The following SUGCT variants were observed in gnomAD, a reference collection of about 807,000 sequenced individuals.
SUGCT encodes succinyl-CoA:glutarate CoA-transferase.
Under a neutral mutation model 55.0 loss-of-function variants are expected in SUGCT, and 41 were observed. The ratio of observed to expected loss-of-function variants is 0.74; its 90% CI spans 0.58 to 0.97. SUGCT has a LOEUF of 0.97. SUGCT is among the 50% of genes least tolerant of loss of function. The pLI, the probability that SUGCT is intolerant of heterozygous loss-of-function variation, is 0.00. For synonymous variants in SUGCT, 187 were observed against 200.4 expected, an observed-to-expected ratio of 0.93 and a Z score of 0.56; for missense variants, 568 against 547.8, an observed-to-expected ratio of 1.04 and a Z score of -0.37.
chr7:40,482,384 T>C (rs1791100800), intron 11 of SUGCT, among the ~76,000 whole-genome samples: 2 of 94,102 alleles, frequency 2.1e-5, no homozygotes, highest in African/African-American at 1.2e-4. Context: ...GAATAAAAAG[T>C]AAACATCCAC....
chr7:40,282,348 G>T (rs1273623231), intron 8 of SUGCT, among the ~76,000 whole-genome samples: 2 of 151,766 alleles, frequency 1.3e-5, no homozygotes, highest in Non-Finnish European at 2.9e-5. Flanking sequence ...TGCACCTGTA[G>T]TCTCAGCTAC....
In SUGCT at chr7:40,744,643, A is replaced by G. The variant is rs77340877; in HGVS notation, c.1090-4791A>G. 3.9e-5 allele frequency among the ~76,000 whole-genome samples: 6 copies of G among 152,358 alleles called. 1 individual carries two copies. The East Asian group carries it at 1.2e-3, about 29-fold the overall frequency. On this transcript the variant is annotated intron_variant, in intron 12 of 13. Transcript: ENST00000335693. ...AGCCCCTCTAGGTTTCTAACACCTT[A>G]TCAGTAGAGGTGAAGATAATAATTC...
chr7:40,843,503 TG>T lies in SUGCT; in HGVS notation c.1154-16812del, dbSNP rs1426828408. The stretch of plus-strand genomic sequence containing the variant: ...CCAGCCTAGCAACAGAGAGAGACTC[TG>T]TCTCAAAAAAAAAAAGTTGAAGTGA... On this transcript the variant is annotated intron_variant, in intron 13 of 13. Coordinates refer to ENST00000335693, the MANE Select transcript of SUGCT (RefSeq NM_001193313.2). 1.7e-3 allele frequency among the ~76,000 whole-genome samples: 115 copies of T among 66,706 alleles called. 1 individual carries two copies. The East Asian group carries it at 0.043, about 25-fold the overall frequency. The allele number at this position is 66,706 out of a possible 152,430, so 43.8% of individuals were successfully genotyped here. A position where few individuals can be genotyped will look rare whatever the true frequency, so the allele number is the denominator to read the frequency against.
the SUGCT span, among the ~76,000 whole-genome samples, chr7:40,908,036 C>T: frequency 6.6e-6 from 1 of 151,730 alleles, no homozygotes; most frequent in Non-Finnish European, 1.5e-5. Flanking sequence ...CACATCCAAC[C>T]TCAACCTAAC....
At chr7:40,950,597 C>T in the SUGCT span, among the ~76,000 whole-genome samples, 16 of 152,196 alleles carry the variant, frequency 1.1e-4, no homozygotes, top group African/African-American at 3.9e-4. Context: ...CTGGGTTTGT[C>T]ATAAATAGCT....
At position 40,135,517 on chromosome 7, in the gene SUGCT, A is replaced by G. The variant is rs149459083; in HGVS notation, c.100+397A>G. Among the ~76,000 whole-genome samples the G allele has an allele frequency of 2.4e-3, 366 of 152,402 alleles. 1 individual carries two copies. Among genetic ancestry groups the G allele is most frequent in the African/African-American group, 8.4e-3 (348 of 41,604 alleles). On this transcript the variant is annotated intron_variant, in intron 1 of 13. Transcript: ENST00000335693. ...AACTTGACACTTCATGTACAATAAA[A>G]GATGCCCTTGTACAGTTACCTGTTG...
intron 9 of SUGCT, among the ~76,000 whole-genome samples, chr7:40,349,848 T>A (rs566999127): frequency 4.6e-5 from 7 of 152,318 alleles, no homozygotes; most frequent in Admixed American, 3.3e-4. Flanking sequence ...TTGGTTTTTA[T>A]TAATATTTTT....
At chr7:40,148,949 C>T (rs1156410412) in intron 1 of SUGCT, among the ~76,000 whole-genome samples, 1 of 152,104 alleles carries the variant, frequency 6.6e-6, no homozygotes, top group South Asian at 2.1e-4. Context: ...TCTTGGTCTT[C>T]CAGGGAGGGG....
rs185470372 is a variant in SUGCT, at chr7:40,626,547, C to T, written c.1090-122887C>T. On this transcript the variant is annotated intron_variant, in intron 12 of 13. Coordinates refer to ENST00000335693, the MANE Select transcript of SUGCT (RefSeq NM_001193313.2). ...GATTATAGGCATGAGCCACTGAGCC[C>T]GGCCCAGAGAGACTTTCATAGAATT... 3.4e-3 allele frequency among the ~76,000 whole-genome samples: 524 copies of T among 152,196 alleles called. 3 individuals carry two copies. Among genetic ancestry groups the T allele is most frequent in the African/African-American group, 8.3e-3 (345 of 41,516 alleles).
chr7:40,428,846 A>G (rs1399965690), intron 9 of SUGCT, among the ~76,000 whole-genome samples: 1 of 152,138 alleles, frequency 6.6e-6, no homozygotes, highest in Non-Finnish European at 1.5e-5. Flanking sequence ...ACACTGTTTC[A>G]TATTGCTATC....
At chr7:40,930,735 T>C in the SUGCT span, among the ~76,000 whole-genome samples, 3 of 152,202 alleles carry the variant, frequency 2.0e-5, no homozygotes, top group Non-Finnish European at 4.4e-5. Flanking sequence ...CTGTTATTGG[T>C]GTATAGGAAT....
chr7:40,546,018 A>G (rs1794969434), intron 12 of SUGCT, among the ~76,000 whole-genome samples: 1 of 152,230 alleles, frequency 6.6e-6, no homozygotes, highest in Admixed American at 6.5e-5. Context: ...ATGAAGTTCA[A>G]CATCCAGGAA....
chr7:40,813,051 T>C (rs996400228), intron 13 of SUGCT, among the ~76,000 whole-genome samples: 1 of 152,202 alleles, frequency 6.6e-6, no homozygotes, highest in African/African-American at 2.4e-5. Flanking sequence ...TTTCTAATTT[T>C]GTTCCACTGT....
chr7:40,415,100 C>T (rs1368716429), intron 9 of SUGCT, among the ~76,000 whole-genome samples: 1 of 145,572 alleles, frequency 6.9e-6, no homozygotes, highest in Non-Finnish European at 1.5e-5. Context: ...ATCTATCTAT[C>T]TATCTATCTA....
the SUGCT span, among the ~76,000 whole-genome samples, chr7:40,888,147 C>CACAGAA: frequency 6.6e-6 from 1 of 152,118 alleles, no homozygotes; most frequent in East Asian, 1.9e-4. Flanking sequence ...AATAAAGTGG[C>CACAGAA]TACACAGACC....
chr7:40,478,668 T>C (rs1258957249), intron 11 of SUGCT, among the ~76,000 whole-genome samples: 1 of 152,130 alleles, frequency 6.6e-6, no homozygotes, highest in Non-Finnish European at 1.5e-5. Context: ...GTTAGCACTG[T>C]TTTTGTGTGT....
At chr7:40,344,085 A>T (rs1320987423) in intron 9 of SUGCT, among the ~76,000 whole-genome samples, 1 of 152,204 alleles carries the variant, frequency 6.6e-6, no homozygotes, top group African/African-American at 2.4e-5. Context: ...ATGGTGAGGT[A>T]CATGCTGGGT....
At chr7:40,836,835 C>T (rs565512771) in intron 13 of SUGCT, among the ~76,000 whole-genome samples, 96 of 152,120 alleles carry the variant, frequency 6.3e-4, no homozygotes, top group Middle Eastern at 6.8e-3. Context: ...AATACAACAC[C>T]TTTGTTTAAC....
At chr7:40,595,765 A>G (rs139055087) in intron 12 of SUGCT, among the ~76,000 whole-genome samples, 48 of 152,318 alleles carry the variant, frequency 3.2e-4, no homozygotes, top group African/African-American at 1.1e-3. Flanking sequence ...GGTAACCAGA[A>G]TATGGAGATG....
Sources: allele counts gnomAD v4.1 joint callset (sites outside exome capture counted in the v4.1 genomes callset), GRCh38; gene constraint gnomAD v4.1.1; transcripts MANE v1.5; gene names NCBI Gene and HGNC (gene_info 2026-07-23, HGNC 2026-07-21).